CTC1: variants seen among roughly 807,000 people sequenced by gnomAD.
CTC1 encodes CST telomere replication complex component 1, also known as CST complex subunit CTC1.
A neutral mutation model predicts 136.3 loss-of-function variants in CTC1; 91 were observed. That is an observed-to-expected ratio of 0.67 (90% confidence interval 0.56 to 0.79). CTC1 has a LOEUF of 0.79. CTC1 is among the 30% of genes least tolerant of loss of function. CTC1 has a pLI of 0.00. For synonymous variants in CTC1, 606 were observed against 613.8 expected, an observed-to-expected ratio of 0.99 and a Z score of 0.19; for missense variants, 1,432 against 1,498.1, an observed-to-expected ratio of 0.96 and a Z score of 0.73.
Position 8,228,407 on chromosome 17 carries a change from C to T in CTC1, c.3515-88G>A. ...ATTCTCCTCCCTAACTCCAGAAATT[C>T]CCCATCAGTCCCTCATCCCTCTTCC... On this transcript the variant is annotated intron_variant, in intron 22 of 22. Coordinates refer to ENST00000651323, the MANE Select transcript of CTC1 (RefSeq NM_025099.6). 3 of 1,607,268 alleles carry T rather than the reference C, an allele frequency of 1.9e-6. No individual in the cohort carries two copies. In the East Asian group the frequency reaches 6.7e-5, roughly 36 times the overall value.
intron 18 of CTC1, 111 bp from the exon 19 acceptor site, chr17:8,229,557 G>T: frequency 1.1e-6 from 1 of 889,470 alleles, no homozygotes; most frequent in Non-Finnish European, 1.8e-6. Context: ...GATGGGGACA[G>T]CAGTGGGTTC....
rs1212818008 is a variant in CTC1 at position 8,228,223 on chromosome 17, G to C, written c.3611C>G (p.Ser1204Ter). Residue 1204 changes from serine (S) to a stop codon, truncating the protein, a stop_gained, in exon 23 of 23, where the codon TCA (serine) becomes TGA (stop). Coordinates refer to ENST00000651323, the MANE Select transcript of CTC1 (RefSeq NM_025099.6). LOFTEE classifies it low-confidence loss of function (END_TRUNC). ...LRLSCLSIRESEYSSSLGILA... is the reference protein window; with the variant it reads ...LRLSCLSIRE Reference sequence around the variant, plus strand: ...GATCCCCAGAGAGCTGGAGTACTCTGACTCTCGGATAGAAAGGCAGGACAA... The same window carrying C: ...GATCCCCAGAGAGCTGGAGTACTCTCACTCTCGGATAGAAAGGCAGGACAA... The C allele has an allele frequency of 6.2e-7, 1 of 1,614,024 alleles. No homozygotes were observed. The highest frequency in any genetic ancestry group is 2.2e-5 in the East Asian group (1 of 44,900).
chr17:8,246,513 A>C (rs1300601717), intron 1 of CTC1, among the ~76,000 whole-genome samples: 3 of 152,186 alleles, frequency 2.0e-5, no homozygotes, highest in Non-Finnish European at 4.4e-5. Flanking sequence ...TCACTAACTT[A>C]GCAAATAGTA....
chr17:8,242,611 C>G (rs1988370050), intron 2 of CTC1, among the ~76,000 whole-genome samples: 1 of 144,600 alleles, frequency 6.9e-6, no homozygotes, highest in Non-Finnish European at 1.5e-5. Flanking sequence ...CTCTCGGAAG[C>G]CCTAAAACTC....
At position 8,232,128 on chromosome 17, in the gene CTC1, G is replaced by A. The variant is rs3027235; in HGVS notation, c.2160C>T (p.Thr720=). Residue 720 remains threonine (T), a synonymous_variant, in exon 13 of 23, where the codon ACC becomes ACT. Coordinates refer to ENST00000651323, the MANE Select transcript of CTC1 (RefSeq NM_025099.6). ...GTCCTAGGTGGGGTCCCTCTGGGCC[G>A]GTGGGATCTGTCTGAGGTGTTGAGG... ...ATPSTPQTDP[T]GPEGPHLGQS... 30,215 of 1,528,728 alleles carry A rather than the reference G, an allele frequency of 0.02. 665 individuals carry two copies. The highest frequency in any genetic ancestry group is 0.1 in the Admixed American group (4,576 of 44,448). 94.7% of individuals were successfully genotyped at this position (1,528,728 alleles called of 1,614,324 possible).
At chr17:8,233,662 G>A (rs147730533) in intron 10 of CTC1, among the ~76,000 whole-genome samples, 42 of 152,310 alleles carry the variant, frequency 2.8e-4, no homozygotes, top group Non-Finnish European at 5.6e-4. Flanking sequence ...CCAGCTACTC[G>A]GGAGGCTGAG....
Position 8,232,380 on chromosome 17 carries a change from T to A in CTC1, c.2041A>T (p.Ile681Phe). The A allele has an allele frequency of 6.2e-7, 1 of 1,614,034 alleles. No individual in the cohort carries two copies. Among genetic ancestry groups the A allele is most frequent in the Non-Finnish European group, 8.5e-7 (1 of 1,179,886 alleles). Residue 681 changes from isoleucine (I) to phenylalanine (F), a missense_variant, in exon 12 of 23, where the codon ATC becomes TTC. Physicochemically the swap from Ile to Phe is conservative, Grantham distance 21 (BLOSUM62 0). Coordinates refer to ENST00000651323, the MANE Select transcript of CTC1 (RefSeq NM_025099.6). ...SWKELSMPGF[I>F]QKQQARVYVQ... ...GCCAACCTGGCCTGCTGCTTCTGGA[T>A]GAAGCCTGGCATGCTCAGCTCCTTC...
intron 18 of CTC1, 99 bp from the exon 19 acceptor site, chr17:8,229,545 A>C: frequency 9.6e-7 from 1 of 1,038,964 alleles, no homozygotes; most frequent in East Asian, 2.4e-5. Flanking sequence ...AGAGGGCATC[A>C]GGATGGGGAC....
At chr17:8,240,886 G>T (rs1294159595) in intron 2 of CTC1, among the ~76,000 whole-genome samples, 1 of 152,060 alleles carries the variant, frequency 6.6e-6, no homozygotes, top group Non-Finnish European at 1.5e-5. Context: ...CCAAAAAAAA[G>T]AAATTACTTT....
In CTC1 at chr17:8,235,372, C is replaced by A. The variant is rs1441505709; in HGVS notation, c.1207-87G>T. ...CAGAGTTAACCGCACTTTGCCACTG[C>A]CTGGGTTCCAGGAAGACGGAAAGCA... On this transcript the variant is annotated intron_variant, in intron 7 of 22. Transcript: ENST00000651323. 2.9e-6 allele frequency: 3 copies of A among 1,019,218 alleles called. No individual in the cohort carries two copies. In the Admixed American group the frequency reaches 6.4e-5, roughly 22 times the overall value. 63.1% of individuals were successfully genotyped at this position (1,019,218 alleles called of 1,614,324 possible).
chr17:8,240,697 T>C (rs908708958), intron 2 of CTC1, among the ~76,000 whole-genome samples: 1 of 149,876 alleles, frequency 6.7e-6, no homozygotes, highest in Non-Finnish European at 1.5e-5. Context: ...CTGGCCAACA[T>C]GGTGAAACCC....
intron 1 of CTC1, among the ~76,000 whole-genome samples, chr17:8,247,097 C>G (rs1988794768): frequency 6.6e-6 from 1 of 151,376 alleles, no homozygotes. Context: ...TGGTTCCCTG[C>G]TCAGCTTCCT....
rs542320822 is a variant in CTC1, at chr17:8,227,137, T to C, written c.*1043A>G. On this transcript the variant is annotated 3_prime_UTR_variant, in exon 23 of 23. Transcript: ENST00000651323. ...CATAAAAGCAGCATAAATCCCAACA[T>C]ATGGGTTTAACCACGCTCTAAAGGT... The C allele has an allele frequency of 9.9e-5, 15 of 152,234 alleles. No individual in the cohort carries two copies. The highest frequency in any genetic ancestry group is 5.8e-4 in the East Asian group (3 of 5,176). 9.4% of individuals were successfully genotyped at this position (152,234 alleles called of 1,614,324 possible). A position where few individuals can be genotyped will look rare whatever the true frequency, so the allele number is the denominator to read the frequency against.
Position 8,234,756 on chromosome 17 carries a change from A to G in CTC1, c.1610T>C (p.Leu537Pro), listed in dbSNP as rs1219227077. 1 of 1,590,556 alleles carries G rather than the reference A, an allele frequency of 6.3e-7. No individual in the cohort carries two copies. The highest frequency in any genetic ancestry group is 2.2e-5 in the East Asian group (1 of 44,626). The change falls in exon 9 of 23, where the codon CTC (leucine) becomes CCC (proline). Residue 537 changes from leucine (L) to proline (P), a missense_variant. Coordinates refer to ENST00000651323, the MANE Select transcript of CTC1 (RefSeq NM_025099.6). ...TCCCCCACATCCTCATACTTTCTGG[A>G]GGGGACAGTGATGTGGCTCTTCAAG... is the stretch of plus-strand genomic sequence containing the variant. The part of the protein sequence containing the change: ...EILEEPHHCP[L>P]QKYTRLQTPS...
In CTC1 at chr17:8,240,095, T is replaced by G. The variant is rs548123555; in HGVS notation, c.198-1466A>C. On this transcript the variant is annotated intron_variant, in intron 2 of 22. Coordinates refer to ENST00000651323, the MANE Select transcript of CTC1 (RefSeq NM_025099.6). ...GTGCCTCATTCAAAAGTCCATGTTCTTTCTCTGTGTTTTCCTACTTATCTG... is the reference window on the plus strand; with the variant it reads ...GTGCCTCATTCAAAAGTCCATGTTCGTTCTCTGTGTTTTCCTACTTATCTG... Among the ~76,000 whole-genome samples the G allele has an allele frequency of 7.2e-5, 11 of 152,092 alleles. No individual in the cohort carries two copies. In the South Asian group the frequency reaches 2.3e-3, roughly 32 times the overall value.
In CTC1 at chr17:8,248,029, G is replaced by A. The variant is rs923853643; in HGVS notation, c.8C>T (p.Ala3Val). 17 of 1,443,500 alleles carry A rather than the reference G, an allele frequency of 1.2e-5. No individual in the cohort carries two copies. Among genetic ancestry groups the A allele is most frequent in the Non-Finnish European group, 1.4e-5 (15 of 1,073,778 alleles). The allele number at this position is 1,443,500 out of a possible 1,614,324, so 89.4% of individuals were successfully genotyped here. Residue 3 changes from alanine to valine, a missense_variant, in exon 1 of 23, where the codon GCT becomes GTT. By Grantham distance (64) the Ala-to-Val change is moderately conservative. Coordinates refer to ENST00000651323, the MANE Select transcript of CTC1 (RefSeq NM_025099.6). ...GGAGGAAGGGACCTGGGCCCGGCCA[G>A]CCGCCATGATGCGCCGGAGCTCCGC... MA[A>V]GRAQVPSSEQ... is the part of the protein sequence containing the mutation.
At chr17:8,240,547 G>GA (rs1054367112) in intron 2 of CTC1, among the ~76,000 whole-genome samples, 3 of 150,860 alleles carry the variant, frequency 2.0e-5, no homozygotes, top group African/African-American at 4.9e-5. Flanking sequence ...TGATAAAAAG[G>GA]AAAAAAAACA....
rs1555535288 is a variant in CTC1, at chr17:8,238,426, T to TA, written c.400dup (p.Tyr134LeufsTer5). On this transcript the variant is annotated frameshift_variant, in exon 3 of 23. Coordinates refer to ENST00000651323, the MANE Select transcript of CTC1 (RefSeq NM_025099.6). LOFTEE classifies it high-confidence loss of function. ...CAGGACGCCAGTGTTATCTCTCACATAGAGGCTTCCGTTCCTGCACTCTTG... is the reference window on the plus strand; with the variant it reads ...CAGGACGCCAGTGTTATCTCTCACATAAGAGGCTTCCGTTCCTGCACTCTTG... 6.2e-7 allele frequency: 1 copy of TA among 1,614,158 alleles called. No individual in the cohort carries two copies. The highest frequency in any genetic ancestry group is 2.2e-5 in the East Asian group (1 of 44,884).
Position 8,238,048 on chromosome 17 carries a change from G to A in CTC1, c.630C>T (p.Ser210=). The change falls in exon 4 of 23, where the codon TCC becomes TCT. Residue 210 remains serine (S), a synonymous_variant. Coordinates refer to ENST00000651323, the MANE Select transcript of CTC1 (RefSeq NM_025099.6). Reference sequence around the variant, plus strand: ...GAAATTACCTGAGCCTGAGCAGGCAGGAAGCACTCTCTGGGTAGAGGACAG... The same window carrying A: ...GAAATTACCTGAGCCTGAGCAGGCAAGAAGCACTCTCTGGGTAGAGGACAG... ...PIPVLYPESA[S]CLLRLRNKLR... 1 of 1,613,718 alleles carries A rather than the reference G, an allele frequency of 6.2e-7. No homozygotes were observed. The highest frequency in any genetic ancestry group is 8.5e-7 in the Non-Finnish European group (1 of 1,179,682).
Sources: allele counts gnomAD v4.1 joint callset (sites outside exome capture counted in the v4.1 genomes callset), GRCh38; gene constraint gnomAD v4.1.1; transcripts MANE v1.5; gene names NCBI Gene and HGNC (gene_info 2026-07-23, HGNC 2026-07-21).